MRPS23: variants seen among roughly 807,000 people sequenced by gnomAD.
MRPS23 encodes the protein small ribosomal subunit protein mS23.
In MRPS23, 14 loss-of-function variants were observed where a neutral mutation model predicts 19.8. That is an observed-to-expected ratio of 0.71 (90% confidence interval 0.47 to 1.11). MRPS23 has a LOEUF of 1.11. Among genes scored for constraint, MRPS23 ranks in the 50% least tolerant of loss-of-function variants. The pLI, the probability that MRPS23 is intolerant of heterozygous loss-of-function variation, is 0.00. For missense variants in MRPS23, 242 were observed against 236.7 expected, an observed-to-expected ratio of 1.02 and a Z score of -0.15; for synonymous variants, 113 against 89.7, an observed-to-expected ratio of 1.26 and a Z score of -1.47.
chr17:57,835,681 C>T lies in MRPS23; in HGVS notation c.*4102G>A, dbSNP rs2073699978. 6.6e-6 allele frequency: 1 copy of T among 152,216 alleles called. No homozygotes were observed. The highest frequency in any genetic ancestry group is 1.5e-5 in the Non-Finnish European group (1 of 68,052). The allele number at this position is 152,216 out of a possible 1,614,324, so 9.4% of individuals were successfully genotyped here. A position where few individuals can be genotyped will look rare whatever the true frequency, so the allele number is the denominator to read the frequency against. ...TTGCACTCATCTCAATTAATCCTCA[C>T]AAAGCTAACTGGAAGCCAAAAAGGC... On this transcript the variant is annotated 3_prime_UTR_variant, in exon 5 of 5. Coordinates refer to ENST00000313608, the MANE Select transcript of MRPS23 (RefSeq NM_016070.4).
intron 4 of MRPS23, among the ~76,000 whole-genome samples, chr17:57,840,214 C>T (rs1385970937): frequency 6.6e-6 from 1 of 152,086 alleles, no homozygotes; most frequent in Non-Finnish European, 1.5e-5. Context: ...GGTGAAACCC[C>T]GTCTCTTCTA....
rs1453853875 is a variant in MRPS23 at position 57,849,356 on chromosome 17, G to A, written c.99C>T (p.Asp33=). 1 of 1,614,164 alleles carries A rather than the reference G, an allele frequency of 6.2e-7. No individual in the cohort carries two copies. Among genetic ancestry groups the A allele is most frequent in the Non-Finnish European group, 8.5e-7 (1 of 1,180,028 alleles). The change falls in exon 2 of 5, where the codon GAC becomes GAT. Residue 33 remains aspartate, a synonymous_variant. Coordinates refer to ENST00000313608, the MANE Select transcript of MRPS23 (RefSeq NM_016070.4). ...TCAGCGGGGGAAAGGCGTCATATAC[G>A]TCAAACCACAGGGGCTTCTCCTTCA... ...GVLKEKPLWF[D]VYDAFPPLRE... is the part of the protein sequence containing the mutation.
intron 2 of MRPS23, among the ~76,000 whole-genome samples, chr17:57,841,739 T>C (rs2073741763): frequency 6.6e-6 from 1 of 152,168 alleles, no homozygotes; most frequent in African/African-American, 2.4e-5. Flanking sequence ...GGCAGGCAGA[T>C]TACTTGCAAC....
chr17:57,848,505 G>C (rs1295468741), intron 2 of MRPS23, among the ~76,000 whole-genome samples: 1 of 151,790 alleles, frequency 6.6e-6, no homozygotes, highest in African/African-American at 2.4e-5. Context: ...CTTCCGAGTA[G>C]CTGGGACTAC....
Position 57,837,807 on chromosome 17 carries a change from CA to C in MRPS23, c.*1975del, listed in dbSNP as rs60105585. On this transcript the variant is annotated 3_prime_UTR_variant, in exon 5 of 5. Transcript: ENST00000313608. The stretch of plus-strand genomic sequence containing the variant: ...GCAACATAGCAAGACTCCATCTCTA[CA>C]AAAAAAAACAAACAAAAAAAATGTT... The C allele has an allele frequency of 2.0e-5, 3 of 148,518 alleles. No homozygotes were observed. Among genetic ancestry groups the C allele is most frequent in the Admixed American group, 6.8e-5 (1 of 14,802 alleles). The allele number at this position is 148,518 out of a possible 1,614,324, so 9.2% of individuals were successfully genotyped here. A position where few individuals can be genotyped will look rare whatever the true frequency, so the allele number is the denominator to read the frequency against.
At chr17:57,841,754 AG>A (rs1204668962) in intron 2 of MRPS23, among the ~76,000 whole-genome samples, 1 of 151,940 alleles carries the variant, frequency 6.6e-6, no homozygotes, top group Non-Finnish European at 1.5e-5. Context: ...TGCAACTGGG[AG>A]TTCAGCATGG....
At position 57,839,893 on chromosome 17, in the gene MRPS23, T is replaced by G. The variant is rs2073729876; in HGVS notation, c.463A>C (p.Ser155Arg). Residue 155 changes from serine to arginine, a missense_variant, in exon 5 of 5, where the codon AGT (serine) becomes CGT (arginine). Transcript: ENST00000313608. ...TCCAACGCAGTCTGTGGTCTGACAC[T>G]CAAGTGTTCGGATTTCCGGGAAACG... ...SHVSRKSEHLSVRPQTALEEN... is the reference protein window; with the variant it reads ...SHVSRKSEHLRVRPQTALEEN... 2 of 1,614,100 alleles carry G rather than the reference T, an allele frequency of 1.2e-6. No homozygotes were observed. Among genetic ancestry groups the G allele is most frequent in the African/African-American group, 1.3e-5 (1 of 74,926 alleles).
chr17:57,850,022 G>T lies in MRPS23; in HGVS notation c.-12C>A. On this transcript the variant is annotated 5_prime_UTR_variant, in exon 1 of 5. Transcript: ENST00000313608. ...CGGCTGCCTGCCATGATCTGCGCCT[G>T]GTACCGAGCGTGACTAGCTGCTACC... 6.3e-7 allele frequency: 1 copy of T among 1,590,504 alleles called. No individual in the cohort carries two copies.
intron 2 of MRPS23, among the ~76,000 whole-genome samples, chr17:57,841,466 A>T (rs2073739662): frequency 1.3e-5 from 2 of 152,252 alleles, no homozygotes; most frequent in African/African-American, 4.8e-5. Context: ...AAGGGTGGCC[A>T]GTGAAAAGTA....
rs1482851286 is a variant in MRPS23, at chr17:57,835,614, A to C, written c.*4169T>G. On this transcript the variant is annotated 3_prime_UTR_variant, in exon 5 of 5. Coordinates refer to ENST00000313608, the MANE Select transcript of MRPS23 (RefSeq NM_016070.4). ...CAAATGGGCTTTTCCACTACTGCTC[A>C]AAATAGTAATAAAACCACCAGCCAC... The C allele has an allele frequency of 6.6e-6, 1 of 152,254 alleles. No individual in the cohort carries two copies. Among genetic ancestry groups the C allele is most frequent in the Non-Finnish European group, 1.5e-5 (1 of 68,066 alleles). 9.4% of individuals were successfully genotyped at this position (152,254 alleles called of 1,614,324 possible).
chr17:57,835,906 A>G lies in MRPS23; in HGVS notation c.*3877T>C, dbSNP rs976880315. 1 of 151,282 alleles carries G rather than the reference A, an allele frequency of 6.6e-6. No homozygotes were observed. Among genetic ancestry groups the G allele is most frequent in the African/African-American group, 2.4e-5 (1 of 41,094 alleles). 9.4% of individuals were successfully genotyped at this position (151,282 alleles called of 1,614,324 possible). The stretch of plus-strand genomic sequence containing the variant: ...GGGTCTGCTCCTGAAAGGCTGTTTA[A>G]TGTTTCAATGGGTTAAAAGAATAAG... On this transcript the variant is annotated 3_prime_UTR_variant, in exon 5 of 5. Transcript: ENST00000313608.
At chr17:57,841,906 C>T (rs564828258) in intron 2 of MRPS23, among the ~76,000 whole-genome samples, 3 of 152,274 alleles carry the variant, frequency 2.0e-5, no homozygotes, top group African/African-American at 7.2e-5. Context: ...GAGAGCGCAC[C>T]ATTGCACTCC....
chr17:57,836,929 T>TGCC lies in MRPS23; in HGVS notation c.*2853_*2854insGGC, dbSNP rs2073709735. The TGCC allele has an allele frequency of 2.6e-5, 4 of 152,262 alleles. No homozygotes were observed. The highest frequency in any genetic ancestry group is 2.6e-4 in the Admixed American group (4 of 15,278). The allele number at this position is 152,262 out of a possible 1,614,324, so 9.4% of individuals were successfully genotyped here. On this transcript the variant is annotated 3_prime_UTR_variant, in exon 5 of 5. Coordinates refer to ENST00000313608, the MANE Select transcript of MRPS23 (RefSeq NM_016070.4). ...CCTGACCTCAGGTGATCCGCCCACC[T>TGCC]TGGCCTCCCAAAGTGCTGGGATTAC...
chr17:57,847,766 A>G (rs1057204019), intron 2 of MRPS23, among the ~76,000 whole-genome samples: 3 of 149,750 alleles, frequency 2.0e-5, no homozygotes, highest in Non-Finnish European at 3.0e-5. Context: ...GTGCACTCTC[A>G]GCTCACTGCA....
intron 2 of MRPS23, among the ~76,000 whole-genome samples, chr17:57,843,677 GAC>G (rs199654894): frequency 0.019 from 2,871 of 152,284 alleles, 45 homozygotes; most frequent in Middle Eastern, 0.061. Context: ...GAATCAGGAA[GAC>G]AGTCCTCCCC....
chr17:57,848,673 CCT>C (rs1346913954), intron 2 of MRPS23: 1 of 151,076 alleles, frequency 6.6e-6, no homozygotes, highest in Non-Finnish European at 1.5e-5. Context: ...CCGCACCCGG[CCT>C]CTCTTAGACT....
Position 57,835,959 on chromosome 17 carries a change from T to C in MRPS23, c.*3824A>G. On this transcript the variant is annotated 3_prime_UTR_variant, in exon 5 of 5. Transcript: ENST00000313608. ...TTTCTGCCCTCCTTTATACTTTTTT[T>C]TTTTTTTTTTTTGAGACAGTGTCTC... The C allele has an allele frequency of 6.6e-6, 1 of 151,280 alleles. No individual in the cohort carries two copies. The highest frequency in any genetic ancestry group is 2.4e-5 in the African/African-American group (1 of 41,080). The allele number at this position is 151,280 out of a possible 1,614,324, so 9.4% of individuals were successfully genotyped here. A position where few individuals can be genotyped will look rare whatever the true frequency, so the allele number is the denominator to read the frequency against.
intron 2 of MRPS23, among the ~76,000 whole-genome samples, chr17:57,848,243 C>G (rs532528476): frequency 6.6e-6 from 1 of 151,444 alleles, no homozygotes; most frequent in Admixed American, 6.6e-5. Context: ...TTTATGCTTT[C>G]TTTGTGTATC....
At chr17:57,845,387 A>C (rs543752957) in intron 2 of MRPS23, among the ~76,000 whole-genome samples, 1 of 152,228 alleles carries the variant, frequency 6.6e-6, no homozygotes, top group Non-Finnish European at 1.5e-5. Context: ...CTGGGCCCCA[A>C]TTCGGAACAT....
Sources: gnomAD v4.1 joint callset for allele counts (sites outside exome capture counted in the v4.1 genomes callset) on GRCh38, gnomAD v4.1.1 for gene constraint, MANE v1.5 for transcripts, NCBI Gene and HGNC (gene_info 2026-07-23, HGNC 2026-07-21) for gene names.